HTR7: variants seen among roughly 807,000 people sequenced by gnomAD.
HTR7 encodes the protein 5-HT-7.
In HTR7, 16 loss-of-function variants were observed where a neutral mutation model predicts 34.0. The ratio of observed to expected loss-of-function variants is 0.47; its 90% confidence interval spans 0.32 to 0.71. The LOEUF (loss-of-function observed/expected upper bound fraction) is 0.71, where lower values mean the gene tolerates loss of function less well. HTR7 is among the 30% of genes least tolerant of loss of function. The pLI is 0.04. For missense variants in HTR7, 504 were observed against 625.5 expected (o/e 0.81, Z 2.07); for synonymous variants, 265 against 260.2 (o/e 1.02, Z -0.18).
At chr10:90,769,531 C>T (rs1845074976) in intron 1 of HTR7, among the ~76,000 whole-genome samples, 1 of 152,148 alleles carries the variant, frequency 6.6e-6, no homozygotes, top group Admixed American at 6.5e-5. Context: ...AGGCCTATCA[C>T]AAATGTTCAT....
Position 90,743,612 on chromosome 10 carries a change from G to T in HTR7, c.1374C>A (p.Asp458Glu), listed in dbSNP as rs34194350. 6.2e-7 allele frequency: 1 copy of T among 1,613,662 alleles called. No individual in the cohort carries two copies. The highest frequency in any genetic ancestry group is 1.7e-5 in the Admixed American group (1 of 59,976). The change falls in exon 3 of 4, where the codon GAC becomes GAA. Residue 458 changes from aspartate (D) to glutamate (E), a missense_variant. Transcript: ENST00000336152. ...ACCCACCTGCTAACCAATTGTGATG[G>T]TCTGGAGATTGTAGCACCCACACAG... is the stretch of plus-strand genomic sequence containing the variant. ...PVSVWVLQSPDHHNWLADKML... is the reference protein window; with the variant it reads ...PVSVWVLQSPEHHNWLADKML...
chr10:90,818,261 A>T (rs1845926880), intron 1 of HTR7, among the ~76,000 whole-genome samples: 1 of 152,210 alleles, frequency 6.6e-6, no homozygotes, highest in South Asian at 2.1e-4. Flanking sequence ...TGGTCTTGAT[A>T]TAAAAGTGAG....
At chr10:90,789,347 C>G (rs868797438) in intron 1 of HTR7, among the ~76,000 whole-genome samples, 1 of 152,142 alleles carries the variant, frequency 6.6e-6, no homozygotes, top group African/African-American at 2.4e-5. Context: ...ACAAAATCAA[C>G]AATCATTGAA....
chr10:90,840,672 C>A (rs755860589), intron 1 of HTR7, among the ~76,000 whole-genome samples: 7 of 152,186 alleles, frequency 4.6e-5, no homozygotes, highest in Non-Finnish European at 1.0e-4. Flanking sequence ...AATATTAACA[C>A]AACAACACTA....
intron 1 of HTR7, among the ~76,000 whole-genome samples, chr10:90,752,392 A>G (rs1418590056): frequency 1.3e-5 from 2 of 152,190 alleles, no homozygotes; most frequent in Non-Finnish European, 2.9e-5. Flanking sequence ...CTACTGAGGT[A>G]CATTTTTTAA....
At chr10:90,760,111 G>A (rs1844910876) in intron 1 of HTR7, among the ~76,000 whole-genome samples, 3 of 152,110 alleles carry the variant, frequency 2.0e-5, no homozygotes, top group Non-Finnish European at 4.4e-5. Flanking sequence ...AATCAACCTA[G>A]GTGTCCAACA....
chr10:90,741,590 A>C lies in HTR7; in HGVS notation c.*892T>G, dbSNP rs2119650924. On this transcript the variant is annotated 3_prime_UTR_variant, in exon 4 of 4. Coordinates refer to ENST00000336152, the MANE Select transcript of HTR7 (RefSeq NM_019859.4). ...CCAGAAGCATCACATTTCATGGAAA[A>C]CCCATCATTCCCACACTTCTTCCAC... 6.6e-6 allele frequency: 1 copy of C among 152,344 alleles called. No individual in the cohort carries two copies. Among genetic ancestry groups the C allele is most frequent in the African/African-American group, 2.4e-5 (1 of 41,558 alleles). 9.4% of individuals were successfully genotyped at this position (152,344 alleles called of 1,614,324 possible).
chr10:90,819,540 T>C (rs2120003201), intron 1 of HTR7, among the ~76,000 whole-genome samples: 1 of 152,336 alleles, frequency 6.6e-6, no homozygotes, highest in East Asian at 1.9e-4. Flanking sequence ...CATTGATTTG[T>C]AGGTAATGTA....
At chr10:90,837,219 TA>T (rs1159307833) in intron 1 of HTR7, among the ~76,000 whole-genome samples, 2 of 152,236 alleles carry the variant, frequency 1.3e-5, no homozygotes, top group Non-Finnish European at 2.9e-5. Context: ...GAATATTCAT[TA>T]ATTTATCCAT....
chr10:90,803,864 C>G (rs753436056), intron 1 of HTR7, among the ~76,000 whole-genome samples: 2 of 152,274 alleles, frequency 1.3e-5, no homozygotes, highest in South Asian at 2.1e-4. Flanking sequence ...GAGTCCCTGG[C>G]AAGGGTTCCA....
intron 1 of HTR7, among the ~76,000 whole-genome samples, chr10:90,790,441 C>A (rs116447339): frequency 0.015 from 2,339 of 152,236 alleles, 76 homozygotes; most frequent in African/African-American, 0.052. Flanking sequence ...TATGTCTATT[C>A]ACATAAAATC....
At chr10:90,790,597 A>C (rs973817504) in intron 1 of HTR7, among the ~76,000 whole-genome samples, 8 of 152,220 alleles carry the variant, frequency 5.3e-5, no homozygotes, top group Admixed American at 1.3e-4. Context: ...AACATTTAAC[A>C]ATTAATAACT....
chr10:90,847,998 C>T (rs1283277487), intron 1 of HTR7, among the ~76,000 whole-genome samples: 1 of 151,850 alleles, frequency 6.6e-6, no homozygotes, highest in Non-Finnish European at 1.5e-5. Flanking sequence ...AACACTACAC[C>T]ACCTTAGAAG....
At chr10:90,854,933 C>T (rs1040897184) in intron 1 of HTR7, among the ~76,000 whole-genome samples, 4 of 152,134 alleles carry the variant, frequency 2.6e-5, no homozygotes, top group African/African-American at 9.7e-5. Flanking sequence ...ATTTTCACAG[C>T]ACATTTAATA....
At chr10:90,826,933 T>C (rs1564695666) in intron 1 of HTR7, among the ~76,000 whole-genome samples, 1 of 151,404 alleles carries the variant, frequency 6.6e-6, no homozygotes, top group South Asian at 2.1e-4. Flanking sequence ...CGAGACTCCA[T>C]CTCAAAAAAT....
intron 1 of HTR7, among the ~76,000 whole-genome samples, chr10:90,849,443 T>C (rs1285361293): frequency 6.6e-6 from 1 of 151,748 alleles, no homozygotes; most frequent in African/African-American, 2.4e-5. Flanking sequence ...GTAAAATCAG[T>C]TTCACAAATA....
chr10:90,756,817 C>T (rs1348051571), intron 1 of HTR7, among the ~76,000 whole-genome samples: 3 of 151,646 alleles, frequency 2.0e-5, no homozygotes, highest in Admixed American at 6.6e-5. Flanking sequence ...TGGCTTAAAA[C>T]ACCACCAAGG....
intron 1 of HTR7, among the ~76,000 whole-genome samples, chr10:90,778,186 A>G (rs79549685): frequency 0.025 from 3,795 of 152,298 alleles, 159 homozygotes; most frequent in African/African-American, 0.082. Context: ...CTGTCCCTTC[A>G]GAAACTCATG....
chr10:90,827,351 GC>G, intron 1 of HTR7, among the ~76,000 whole-genome samples: 1 of 152,254 alleles, frequency 6.6e-6, no homozygotes, highest in Non-Finnish European at 1.5e-5. Context: ...TTTGAGACCA[GC>G]CTGGGCAACA....
Sources: allele counts gnomAD v4.1 joint callset (sites outside exome capture counted in the v4.1 genomes callset), GRCh38; gene constraint gnomAD v4.1.1; transcripts MANE v1.5; gene names NCBI Gene and HGNC (gene_info 2026-07-23, HGNC 2026-07-21).